Variants in ARHGAP4 observed in about 807,000 individuals in gnomAD.
The protein encoded by ARHGAP4 is Rho GTPase activating protein 4.
A neutral mutation model predicts 67.6 loss-of-function variants in ARHGAP4; 25 were observed. The observed-to-expected ratio is 0.37, with a 90% CI of 0.27 to 0.52. The LOEUF is 0.52. ARHGAP4 is among the 20% of genes least tolerant of loss of function. The pLI, the probability that ARHGAP4 is intolerant of heterozygous loss-of-function variation, is 0.92. For synonymous variants in ARHGAP4, 448 were observed against 373.7 expected (o/e 1.20, Z -2.29); for missense variants, 804 against 854.6 (o/e 0.94, Z 0.74).
In ARHGAP4 at chrX:153,912,865, C is replaced by A. The variant is rs1603285299; in HGVS notation, c.1440-63G>T. ...GTGGAGAATAGGGTGCCCCACCCCC[C>A]AGGCCAGCCAAGCCGGCCTCTAATT... On this transcript the variant is annotated intron_variant, in intron 11 of 21. Coordinates refer to ENST00000350060, the MANE Select transcript of ARHGAP4 (RefSeq NM_001666.5). 2.7e-6 allele frequency: 3 copies of A among 1,110,191 alleles called. No individual in the cohort carries two copies. The East Asian group carries it at 9.1e-5, about 34-fold the overall frequency. 91.5% of individuals were successfully genotyped at this position (1,110,191 alleles called of 1,213,427 possible).
At chrX:153,914,098 G>A (rs2065039708) in intron 7 of ARHGAP4, 1 of 426,391 alleles carries the variant, frequency 2.3e-6, no homozygotes. Flanking sequence ...TCCAACTGAC[G>A]GATGGCTAAA....
chrX:153,923,964 G>A (rs1470933868), intron 1 of ARHGAP4, among the ~76,000 whole-genome samples: 1 of 111,239 alleles, frequency 9.0e-6, no homozygotes, highest in Non-Finnish European at 1.9e-5. Flanking sequence ...TTTTAGTAGA[G>A]ACAGGGTTTC....
At position 153,910,034 on chromosome X, in the gene ARHGAP4, G is replaced by C. The variant is rs202030698; in HGVS notation, c.2208C>G (p.Ala736=). 1.4e-5 allele frequency: 17 copies of C among 1,209,914 alleles called. No individual in the cohort carries two copies. The highest frequency in any genetic ancestry group is 1.2e-5 in the Non-Finnish European group (11 of 895,217). The change falls in exon 18 of 22, where the codon GCC becomes GCG. Residue 736 remains alanine, a synonymous_variant. Coordinates refer to ENST00000350060, the MANE Select transcript of ARHGAP4 (RefSeq NM_001666.5). ...CACCATCCTCCTGTGCGGGCATCTC[G>C]GCTTCCAGCTCCGGCTCATTGTCCG... ...LGADNEPELE[A]EMPAQEDDLE...
At position 153,920,816 on chromosome X, in the gene ARHGAP4, G is replaced by T. The variant is rs781936167; in HGVS notation, c.499-8C>A. The T allele has an allele frequency of 8.3e-7, 1 of 1,211,725 alleles. No individual in the cohort carries two copies. On this transcript the variant is annotated splice_polypyrimidine_tract_variant and splice_region_variant and intron_variant, in intron 4 of 21. Transcript: ENST00000350060. Reference sequence around the variant, plus strand: ...CTGGTACGTCTTCTTGGCCTGCAGGGAGACCCAAAGCAAGGTGGTGCTGGT... The same window carrying T: ...CTGGTACGTCTTCTTGGCCTGCAGGTAGACCCAAAGCAAGGTGGTGCTGGT...
chrX:153,918,545 C>T (rs1478656520), intron 7 of ARHGAP4, among the ~76,000 whole-genome samples: 1 of 112,849 alleles, frequency 8.9e-6, no homozygotes, highest in Admixed American at 9.3e-5. Flanking sequence ...AAGTTTGTGT[C>T]ACGAAATTTA....
At chrX:153,919,662 C>T (rs1444966034) in intron 5 of ARHGAP4, 3 of 1,164,124 alleles carry the variant, frequency 2.6e-6, no homozygotes, top group Admixed American at 2.6e-5. Flanking sequence ...CTGGAAGCGG[C>T]CACAGGCCTC....
intron 1 of ARHGAP4, 83 bp from the exon 2 acceptor site, chrX:153,921,892 G>A: frequency 1.9e-6 from 2 of 1,051,866 alleles, no homozygotes; most frequent in East Asian, 3.3e-5. Context: ...AGAGGCAGAG[G>A]CACACAGACC....
intron 7 of ARHGAP4, among the ~76,000 whole-genome samples, chrX:153,915,986 T>C (rs2065053527): frequency 8.9e-6 from 1 of 111,917 alleles, no homozygotes; most frequent in Admixed American, 9.4e-5. Flanking sequence ...CCTGGTCCTA[T>C]CAGCCCGGCC....
intron 3 of ARHGAP4, 85 bp from the exon 4 acceptor site, chrX:153,921,244 C>CA: frequency 8.5e-7 from 1 of 1,175,023 alleles, no homozygotes; most frequent in Non-Finnish European, 1.1e-6. Flanking sequence ...CAAGCCCCAT[C>CA]GGGGGGGCAC....
chrX:153,921,507 G>A lies in ARHGAP4; in HGVS notation c.293C>T (p.Ser98Leu). 3 of 1,194,339 alleles carry A rather than the reference G, an allele frequency of 2.5e-6. No homozygotes were observed. Among genetic ancestry groups the A allele is most frequent in the Non-Finnish European group, 3.4e-6 (3 of 886,261 alleles). Reference sequence around the variant, plus strand: ...CAGCACCGCCCAGCAGTGCAAGGGCGACAGGAGGGACGGCTCCTTCCTGGG... The same window carrying A: ...CAGCACCGCCCAGCAGTGCAAGGGCAACAGGAGGGACGGCTCCTTCCTGGG... ...QSFRKEPSLLSPLHCWAVLLQ... is the reference protein window; with the variant it reads ...QSFRKEPSLLLPLHCWAVLLQ... Residue 98 changes from serine (S) to leucine (L), a missense_variant, in exon 3 of 22, where the codon TCG becomes TTG. Physicochemically the swap from Ser to Leu is moderately radical, Grantham distance 145. Around this residue, in one of 2 missense-constraint regions of ARHGAP4, gnomAD observed 404 missense variants for 505.9 expected, o/e 0.80. Transcript: ENST00000350060.
intron 16 of ARHGAP4, 31 bp from the exon 17 acceptor site, chrX:153,910,435 GC>G: frequency 8.4e-7 from 1 of 1,183,475 alleles, no homozygotes; most frequent in South Asian, 1.9e-5. Flanking sequence ...CAAGCAGAGA[GC>G]CCGCACCCCG....
At chrX:153,911,409 A>G (rs1557103280) in intron 12 of ARHGAP4, among the ~76,000 whole-genome samples, 1 of 110,394 alleles carries the variant, frequency 9.1e-6, no homozygotes, top group Non-Finnish European at 1.9e-5. Flanking sequence ...GGCATGAGCC[A>G]CCGCACCAGG....
rs2065096316 is a variant in ARHGAP4 at position 153,921,700 on chromosome X, C to T, written c.177G>A (p.Val59=). The T allele has an allele frequency of 8.3e-7, 1 of 1,206,588 alleles. No individual in the cohort carries two copies. The highest frequency in any genetic ancestry group is 1.1e-6 in the Non-Finnish European group (1 of 893,267). Residue 59 remains valine (V), a synonymous_variant, in exon 2 of 22, where the codon GTG becomes GTA. Transcript: ENST00000350060. The stretch of plus-strand genomic sequence containing the variant: ...CCAGGCCCCGGGAGTATTCCAGCTC[C>T]ACCTCAGCGCGGCGCCGCATGAACT... The part of the protein sequence containing the change: ...LAEFMRRRAE[V]ELEYSRGLEK...
rs782197916 is a variant in ARHGAP4 at position 153,912,753 on chromosome X, T to C, written c.1489A>G (p.Ser497Gly). 1 of 1,210,359 alleles carries C rather than the reference T, an allele frequency of 8.3e-7. No individual in the cohort carries two copies. The highest frequency in any genetic ancestry group is 3.0e-5 in the East Asian group (1 of 33,793). Reference protein sequence around the residue: ...KFQKSRQPRPSSQYNQRLFGG... With the variant: ...KFQKSRQPRPGSQYNQRLFGG... The stretch of plus-strand genomic sequence containing the variant: ...AAGAGTCTCTGGTTATACTGGGAGC[T>C]GGGGCGGGGCTGGCGGCTCTTCTGG... Residue 497 changes from serine to glycine, a missense_variant, in exon 12 of 22, where the codon AGC (serine) becomes GGC (glycine). By Grantham distance (56) the Ser-to-Gly change is moderately conservative. Around this residue, in one of 2 missense-constraint regions of ARHGAP4, gnomAD observed 404 missense variants for 505.9 expected, o/e 0.80. Coordinates refer to ENST00000350060, the MANE Select transcript of ARHGAP4 (RefSeq NM_001666.5).
At chrX:153,910,138 C>A (rs1557102600) in intron 17 of ARHGAP4, 33 bp downstream of exon 17, 2 of 1,210,020 alleles carry the variant, frequency 1.7e-6, no homozygotes, top group Admixed American at 2.2e-5. Flanking sequence ...TCCAGTGGAC[C>A]CCCCAGTCCC....
intron 7 of ARHGAP4, among the ~76,000 whole-genome samples, chrX:153,917,913 A>G (rs1163563507): frequency 8.9e-6 from 1 of 112,424 alleles, no homozygotes. Flanking sequence ...GAAGCACTCC[A>G]GACTGGAAGG....
At chrX:153,908,511 C>T (rs782292522) in intron 21 of ARHGAP4, among the ~76,000 whole-genome samples, 8 of 112,116 alleles carry the variant, frequency 7.1e-5, no homozygotes, top group Non-Finnish European at 1.3e-4. Flanking sequence ...GTACAGAGCA[C>T]GGAGCAGGGT....
intron 1 of ARHGAP4, chrX:153,922,103 G>A (rs782397994): frequency 3.0e-5 from 28 of 948,941 alleles, no homozygotes; most frequent in East Asian, 4.4e-5. Context: ...GGGGAGAGCC[G>A]CCCCAGCGCC....
Position 153,907,870 on chromosome X carries a change from G to T in ARHGAP4, c.2700C>A (p.Pro900=), listed in dbSNP as rs782015354. 5 of 1,037,291 alleles carry T rather than the reference G, an allele frequency of 4.8e-6. No individual in the cohort carries two copies. Among genetic ancestry groups the T allele is most frequent in the Non-Finnish European group, 6.2e-6 (5 of 804,267 alleles). 85.5% of individuals were successfully genotyped at this position (1,037,291 alleles called of 1,213,427 possible). ...QGLGPASTTS[P]SPGPRSPKAP... ...CCTTTGGGCTTCGGGGCCCAGGACT[G>T]GGAGAGGTGGTAGATGCTGGCCCAA... Residue 900 remains proline (P), a synonymous_variant, in exon 22 of 22, where the codon CCC becomes CCA. Coordinates refer to ENST00000350060, the MANE Select transcript of ARHGAP4 (RefSeq NM_001666.5).
Sources: gnomAD v4.1 joint callset for allele counts (sites outside exome capture counted in the v4.1 genomes callset) on GRCh38, gnomAD v4.1.1 for gene constraint, gnomAD v4.1.1 regional missense constraint, MANE v1.5 for transcripts, NCBI Gene and HGNC (gene_info 2026-07-23, HGNC 2026-07-21) for gene names.